Variants in GALK2 observed in about 807,000 individuals in gnomAD.
GALK2 encodes the protein galactokinase 2.
GALK2 carries 36 observed loss-of-function variants against 52.4 expected under a neutral mutation model. The observed-to-expected ratio is 0.69, with a 90% CI of 0.53 to 0.91. The LOEUF is 0.91. Among genes scored for constraint, GALK2 ranks in the 40% least tolerant of loss-of-function variants. The probability of loss-of-function intolerance (pLI) is 0.00; values close to 1 mark genes in which losing one functional copy is unlikely to be tolerated. For synonymous variants in GALK2, 176 were observed against 199.1 expected, an observed-to-expected ratio of 0.88 and a Z score of 0.98; for missense variants, 579 against 559.1, an observed-to-expected ratio of 1.04 and a Z score of -0.36.
chr15:49,298,836 T>C (rs1390269061), intron 8 of GALK2, among the ~76,000 whole-genome samples: 1 of 152,136 alleles, frequency 6.6e-6, no homozygotes, highest in Non-Finnish European at 1.5e-5. Context: ...GTTTTGCATC[T>C]ATATTCATCA....
At position 49,283,705 on chromosome 15, in the gene GALK2, G is replaced by A. The variant is rs201091452; in HGVS notation, c.743G>A (p.Arg248Gln). 65 of 1,613,866 alleles carry A rather than the reference G, an allele frequency of 4.0e-5. 1 individual carries two copies. The highest frequency in any genetic ancestry group is 1.3e-4 in the Admixed American group (8 of 60,000). The change falls in exon 7 of 10, where the codon CGG becomes CAG. Residue 248 changes from arginine (R) to glutamine (Q), a missense_variant. Arg to Gln is a conservative substitution (Grantham distance 43). Transcript: ENST00000560031. ...SHFNIRVMEC[R>Q]LAAKLLAKYK... ...TTCAATATCAGGGTGATGGAGTGTC[G>A]GCTGGCTGCGAAGGTATGAACTTGG...
intron 3 of GALK2, chr15:49,366,652 C>A: frequency 1.3e-6 from 2 of 1,560,440 alleles, no homozygotes; most frequent in South Asian, 2.2e-5. Context: ...GCAGGGCGGC[C>A]GTGGCAGGGG....
chr15:49,258,132 A>G (rs1000455872), intron 5 of GALK2, among the ~76,000 whole-genome samples: 1 of 152,122 alleles, frequency 6.6e-6, no homozygotes, highest in African/African-American at 2.4e-5. Context: ...TTCAATTAAC[A>G]ATTTTTAATA....
intron 2 of GALK2, among the ~76,000 whole-genome samples, chr15:49,209,497 G>C (rs2088625746): frequency 6.6e-6 from 1 of 152,076 alleles, no homozygotes; most frequent in African/African-American, 2.4e-5. Flanking sequence ...TGTGTATTGA[G>C]ACATGTTCCT....
At chr15:49,350,807 T>C (rs1033942299) in intron 3 of GALK2, among the ~76,000 whole-genome samples, 1 of 152,146 alleles carries the variant, frequency 6.6e-6, no homozygotes, top group African/African-American at 2.4e-5. Flanking sequence ...CTCTAAGATA[T>C]GCGAGCCAAA....
intron 7 of GALK2, among the ~76,000 whole-genome samples, chr15:49,288,054 A>G (rs2033563302): frequency 6.6e-6 from 1 of 152,258 alleles, no homozygotes; most frequent in African/African-American, 2.4e-5. Context: ...TTTTCAAAGC[A>G]AACTCGAGAT....
intron 7 of GALK2, 73 bp from the exon 8 acceptor site, chr15:49,292,254 A>G (rs2034010259): frequency 1.5e-6 from 2 of 1,350,010 alleles, no homozygotes; most frequent in Non-Finnish European, 2.1e-6. Flanking sequence ...CTTAACGTTG[A>G]ATCTGGCTAA....
At chr15:49,255,000 T>A (rs2091755872) in intron 5 of GALK2, among the ~76,000 whole-genome samples, 2 of 144,100 alleles carry the variant, frequency 1.4e-5, no homozygotes, top group Non-Finnish European at 3.1e-5. Flanking sequence ...CTCTCTACTT[T>A]TTTTTCTGAG....
At chr15:49,366,234 T>C (rs2045160256) in intron 3 of GALK2, 1 of 786,538 alleles carries the variant, frequency 1.3e-6, no homozygotes, top group Non-Finnish European at 2.4e-6. Context: ...TTTCCTAGAG[T>C]CTGCTTCATA....
chr15:49,191,049 G>A (rs982317275), intron 1 of GALK2, among the ~76,000 whole-genome samples: 1 of 152,096 alleles, frequency 6.6e-6, no homozygotes, highest in Non-Finnish European at 1.5e-5. Context: ...GAATTGGGCA[G>A]CACTTCATTC....
At position 49,330,644 on chromosome 15, in the gene GALK2, G is replaced by T. The variant is rs1263706741; in HGVS notation, c.*2485G>T. 1 of 151,708 alleles carries T rather than the reference G, an allele frequency of 6.6e-6. No individual in the cohort carries two copies. Among genetic ancestry groups the T allele is most frequent in the Non-Finnish European group, 1.5e-5 (1 of 68,016 alleles). The allele number at this position is 151,708 out of a possible 1,614,324, so 9.4% of individuals were successfully genotyped here. A position where few individuals can be genotyped will look rare whatever the true frequency, so the allele number is the denominator to read the frequency against. On this transcript the variant is annotated 3_prime_UTR_variant, in exon 10 of 10. Transcript: ENST00000560031. ...AATCATTTACCACTTACCAGCTGAG[G>T]TCACTTGCCCTTTATCAGGACACTT...
rs1044204329 is a variant in GALK2 at position 49,365,333 on chromosome 15, G to GT, written c.427-2157dup. On this transcript the variant is annotated intron_variant, in intron 3 of 3. Transcript: ENST00000558399. ...TTTCATCAGCACCAGAACAACAAAT[G>GT]TAAGTATCATGCCAATAGCATAGGC... 30 of 1,568,312 alleles carry GT rather than the reference G, an allele frequency of 1.9e-5. No individual in the cohort carries two copies. In the African/African-American group the frequency reaches 3.8e-4, roughly 20 times the overall value.
intron 3 of GALK2, among the ~76,000 whole-genome samples, chr15:49,346,626 G>C (rs2041549055): frequency 6.6e-6 from 1 of 152,124 alleles, no homozygotes; most frequent in African/African-American, 2.4e-5. Flanking sequence ...GAAGCTTCAG[G>C]AGGCTTTGCT....
In GALK2 at chr15:49,330,184, G is replaced by T. The variant is rs1348591829; in HGVS notation, c.*2025G>T. ...CACTGCAGATGAGCAAAGCCTATGG[G>T]TATAGGCAAACATGGTGTGTGTAGG... On this transcript the variant is annotated 3_prime_UTR_variant, in exon 10 of 10. Transcript: ENST00000560031. 6.6e-6 allele frequency: 1 copy of T among 152,252 alleles called. No individual in the cohort carries two copies. The highest frequency in any genetic ancestry group is 2.1e-4 in the South Asian group (1 of 4,830). The allele number at this position is 152,252 out of a possible 1,614,324, so 9.4% of individuals were successfully genotyped here. A position where few individuals can be genotyped will look rare whatever the true frequency, so the allele number is the denominator to read the frequency against.
At chr15:49,338,682 G>C (rs964986388) in intron 3 of GALK2, among the ~76,000 whole-genome samples, 8 of 151,300 alleles carry the variant, frequency 5.3e-5, no homozygotes, top group Non-Finnish European at 1.2e-4. Context: ...TGCCTTGCTA[G>C]GTTGGGGAAG....
chr15:49,179,293 T>C (rs184693100), intron 1 of GALK2, among the ~76,000 whole-genome samples: 1 of 152,296 alleles, frequency 6.6e-6, no homozygotes. Context: ...CCTCAGTTTG[T>C]AGATGAGGAA....
intron 8 of GALK2, among the ~76,000 whole-genome samples, chr15:49,307,925 T>A (rs1304634124): frequency 6.6e-6 from 1 of 152,200 alleles, no homozygotes; most frequent in Non-Finnish European, 1.5e-5. Context: ...TCCCTTTAAA[T>A]GTAAAATGCT....
At chr15:49,180,676 C>T (rs1480704338) in intron 1 of GALK2, among the ~76,000 whole-genome samples, 1 of 152,078 alleles carries the variant, frequency 6.6e-6, no homozygotes, top group Non-Finnish European at 1.5e-5. Context: ...CCTCCAACCT[C>T]CTCCCCTCCT....
intron 1 of GALK2, among the ~76,000 whole-genome samples, chr15:49,183,094 T>A (rs1290798521): frequency 1.3e-5 from 2 of 152,160 alleles, no homozygotes; most frequent in Admixed American, 1.3e-4. Context: ...CCCAATGTTT[T>A]TTGTTTATCT....
Sources: allele counts gnomAD v4.1 joint callset (sites outside exome capture counted in the v4.1 genomes callset), GRCh38; gene constraint gnomAD v4.1.1; transcripts MANE v1.5; gene names NCBI Gene and HGNC (gene_info 2026-07-23, HGNC 2026-07-21).